Variants in CFAP299 observed in about 807,000 individuals in gnomAD.
CFAP299 encodes the protein cilia- and flagella-associated protein 299.
CFAP299 carries 21 observed loss-of-function variants against 27.0 expected under a neutral mutation model. The ratio of observed to expected loss-of-function variants is 0.78; its 90% CI spans 0.55 to 1.12. The LOEUF is 1.12. Ranked by LOEUF, CFAP299 falls within the 50% of genes most tolerant of loss-of-function variation. The probability of loss-of-function intolerance (pLI) is 0.00; values close to 1 mark genes in which losing one functional copy is unlikely to be tolerated. For synonymous variants in CFAP299, 104 were observed against 98.1 expected, an observed-to-expected ratio of 1.06 and a Z score of -0.36; for missense variants, 310 against 276.6, an observed-to-expected ratio of 1.12 and a Z score of -0.86.
chr4:80,671,203 C>T (rs1026859948), intron 3 of CFAP299, among the ~76,000 whole-genome samples: 1 of 152,160 alleles, frequency 6.6e-6, no homozygotes, highest in East Asian at 1.9e-4. Context: ...CATCTTTCTA[C>T]ATATGGCTAG....
chr4:80,438,984 G>A (rs1303601777), intron 2 of CFAP299, among the ~76,000 whole-genome samples: 1 of 152,038 alleles, frequency 6.6e-6, no homozygotes, highest in African/African-American at 2.4e-5. Flanking sequence ...ATTCAACAGT[G>A]TTCTAAAAAG....
chr4:80,895,986 C>CT (rs1560467061), intron 4 of CFAP299, among the ~76,000 whole-genome samples: 1 of 151,994 alleles, frequency 6.6e-6, no homozygotes. Context: ...GTAAATATAA[C>CT]TTCTTTCATT....
chr4:80,439,943 G>A (rs1470783483), intron 2 of CFAP299, among the ~76,000 whole-genome samples: 1 of 152,168 alleles, frequency 6.6e-6, no homozygotes, highest in East Asian at 1.9e-4. Flanking sequence ...CAGGAAGTTC[G>A]AACTGGGCGG....
intron 2 of CFAP299, among the ~76,000 whole-genome samples, chr4:80,446,371 T>G (rs920195894): frequency 1.3e-5 from 2 of 152,156 alleles, no homozygotes; most frequent in African/African-American, 4.8e-5. Flanking sequence ...CCAGAGGAAA[T>G]TCCCAAGAGG....
chr4:80,393,730 A>C (rs564530464), intron 2 of CFAP299, among the ~76,000 whole-genome samples: 1 of 152,220 alleles, frequency 6.6e-6, no homozygotes, highest in African/African-American at 2.4e-5. Flanking sequence ...ATGATGTTCA[A>C]ACAGCTACAA....
At chr4:80,666,707 C>T (rs1741156802) in intron 3 of CFAP299, among the ~76,000 whole-genome samples, 1 of 152,126 alleles carries the variant, frequency 6.6e-6, no homozygotes. Context: ...AATGATAAAA[C>T]TATATATTTC....
At chr4:80,741,283 C>G (rs1049308447) in intron 3 of CFAP299, among the ~76,000 whole-genome samples, 9 of 152,142 alleles carry the variant, frequency 5.9e-5, no homozygotes, top group African/African-American at 2.2e-4. Flanking sequence ...GAGTCTTGCT[C>G]TGTCGCCCAG....
At chr4:80,468,748 TC>T (rs533183973) in intron 2 of CFAP299, among the ~76,000 whole-genome samples, 13 of 146,350 alleles carry the variant, frequency 8.9e-5, no homozygotes, top group African/African-American at 3.3e-4. Context: ...GGCAGAAGAA[TC>T]GCTTGAACCC....
intron 2 of CFAP299, among the ~76,000 whole-genome samples, chr4:80,395,508 T>A (rs377568285): frequency 6.6e-6 from 1 of 152,104 alleles, no homozygotes; most frequent in Non-Finnish European, 1.5e-5. Flanking sequence ...TTTTCACCAA[T>A]GGATGTGATG....
At chr4:80,793,707 ATAAATC>A (rs1189361507) in intron 3 of CFAP299, among the ~76,000 whole-genome samples, 2 of 152,218 alleles carry the variant, frequency 1.3e-5, no homozygotes, top group East Asian at 3.8e-4. Context: ...TATGAAGTCA[ATAAATC>A]TTATGTCACA....
At chr4:80,406,085 C>T (rs1442325879) in intron 2 of CFAP299, among the ~76,000 whole-genome samples, 3 of 152,076 alleles carry the variant, frequency 2.0e-5, no homozygotes, top group Admixed American at 6.6e-5. Context: ...TAATGTCCCA[C>T]ACAAGATCAA....
intron 2 of CFAP299, among the ~76,000 whole-genome samples, chr4:80,550,776 C>G (rs1036040386): frequency 2.0e-5 from 3 of 151,556 alleles, no homozygotes; most frequent in Non-Finnish European, 4.4e-5. Context: ...CACACACACA[C>G]ACACACACGC....
intron 2 of CFAP299, among the ~76,000 whole-genome samples, chr4:80,397,929 T>C (rs1276627944): frequency 1.3e-5 from 2 of 152,182 alleles, no homozygotes; most frequent in Non-Finnish European, 2.9e-5. Context: ...ATTGTATATT[T>C]AGAAAACCCC....
rs866257430 is a variant in CFAP299 at position 80,870,008 on chromosome 4, C to T, written c.349C>T (p.Arg117Cys). 18 of 1,610,116 alleles carry T rather than the reference C, an allele frequency of 1.1e-5. No individual in the cohort carries two copies. Among genetic ancestry groups the T allele is most frequent in the Middle Eastern group, 1.7e-4 (1 of 6,056 alleles). Reference protein sequence around the residue: ...SGKLSSVIFIRDRNSHGQEIS... With the variant: ...SGKLSSVIFICDRNSHGQEIS... Reference sequence around the variant, plus strand: ...GTGCTACCAGTCCGTGATCTTTATTCGTGACAGAAATTCTCATGGGCAAGA... The same window carrying T: ...GTGCTACCAGTCCGTGATCTTTATTTGTGACAGAAATTCTCATGGGCAAGA... The change falls in exon 4 of 6, where the codon CGT becomes TGT. Residue 117 changes from arginine (R) to cysteine (C), a missense_variant. Transcript: ENST00000358105.
intron 3 of CFAP299, among the ~76,000 whole-genome samples, chr4:80,626,139 G>A (rs761436348): frequency 2.6e-5 from 4 of 151,822 alleles, no homozygotes; most frequent in Admixed American, 6.6e-5. Flanking sequence ...TTATATGTTA[G>A]GCCACAAAGC....
chr4:80,547,050 C>A (rs931618328), intron 2 of CFAP299, among the ~76,000 whole-genome samples: 1 of 151,886 alleles, frequency 6.6e-6, no homozygotes, highest in African/African-American at 2.4e-5. Context: ...CATATGGAAG[C>A]AAAAAGAGCT....
At chr4:80,653,903 T>C (rs535037060) in intron 3 of CFAP299, among the ~76,000 whole-genome samples, 1 of 152,280 alleles carries the variant, frequency 6.6e-6, no homozygotes, top group Admixed American at 6.6e-5. Context: ...AATGATTTAC[T>C]GCCATCAAGT....
At chr4:80,922,451 C>A (rs890430907) in intron 4 of CFAP299, among the ~76,000 whole-genome samples, 1 of 151,984 alleles carries the variant, frequency 6.6e-6, no homozygotes. Flanking sequence ...TTACAGTTTG[C>A]AGACTCATTC....
At chr4:80,397,796 T>C (rs140141085) in intron 2 of CFAP299, among the ~76,000 whole-genome samples, 2,278 of 152,270 alleles carry the variant, frequency 0.015, 39 homozygotes, top group South Asian at 0.088. Flanking sequence ...ATGCCCTTTC[T>C]CACCACTCGT....
Sources: allele counts gnomAD v4.1 joint callset (sites outside exome capture counted in the v4.1 genomes callset), GRCh38; gene constraint gnomAD v4.1.1; transcripts MANE v1.5; gene names NCBI Gene and HGNC (gene_info 2026-07-23, HGNC 2026-07-21).